The following GRM8 variants were observed in gnomAD, a reference collection of about 807,000 sequenced individuals.
The protein encoded by GRM8 is metabotropic glutamate receptor 8.
A neutral mutation model predicts 87.2 loss-of-function variants in GRM8; 47 were observed. That is an observed-to-expected ratio of 0.54 (90% CI 0.43 to 0.69). The LOEUF is 0.69. GRM8 is among the 30% of genes least tolerant of loss of function. The pLI is 0.00. For missense variants in GRM8, 1,019 were observed against 1,139.2 expected (o/e 0.89, Z 1.52); for synonymous variants, 396 against 404.5 (o/e 0.98, Z 0.25).
chr7:126,617,926 A>G (rs1157112505), intron 7 of GRM8, among the ~76,000 whole-genome samples: 2 of 152,084 alleles, frequency 1.3e-5, no homozygotes, highest in African/African-American at 2.4e-5. Context: ...TGGGAAGAAA[A>G]TATCATGAAA....
chr7:126,859,477 A>C (rs1797972344), intron 6 of GRM8, among the ~76,000 whole-genome samples: 1 of 152,198 alleles, frequency 6.6e-6, no homozygotes, highest in Non-Finnish European at 1.5e-5. Flanking sequence ...GTGTATGTGC[A>C]GTTCACATTT....
At chr7:127,035,506 A>C (rs544898890) in intron 3 of GRM8, among the ~76,000 whole-genome samples, 1 of 152,266 alleles carries the variant, frequency 6.6e-6, no homozygotes, top group East Asian at 1.9e-4. Context: ...CAGCCACAGT[A>C]GTCTCTTCCC....
intron 6 of GRM8, among the ~76,000 whole-genome samples, chr7:126,786,949 A>G (rs1426601739): frequency 6.6e-6 from 1 of 152,172 alleles, no homozygotes; most frequent in Non-Finnish European, 1.5e-5. Context: ...TTCATTTTGC[A>G]AATGTTTTTC....
chr7:126,519,677 C>T (rs1236793055), intron 9 of GRM8, among the ~76,000 whole-genome samples: 4 of 152,074 alleles, frequency 2.6e-5, no homozygotes, highest in African/African-American at 7.2e-5. Flanking sequence ...CCACCCTGAA[C>T]GTGCCTGATC....
chr7:127,135,105 G>T (rs1387260281), intron 2 of GRM8, among the ~76,000 whole-genome samples: 1 of 151,698 alleles, frequency 6.6e-6, no homozygotes, highest in Non-Finnish European at 1.5e-5. Flanking sequence ...TACTAATTTG[G>T]AATTAGAGAA....
chr7:127,237,769 AAGAGAG>A (rs1414987065), intron 2 of GRM8, among the ~76,000 whole-genome samples: 1 of 152,210 alleles, frequency 6.6e-6, no homozygotes, highest in African/African-American at 2.4e-5. Context: ...AGAAAAACAA[AAGAGAG>A]AGGAATTATA....
At chr7:126,798,159 T>C (rs971789) in intron 6 of GRM8, among the ~76,000 whole-genome samples, 11,702 of 128,790 alleles carry the variant, frequency 0.091, 1,442 homozygotes, top group African/African-American at 0.29. Flanking sequence ...ATTAATACCT[T>C]AGAGCATTTT....
chr7:127,162,647 C>T (rs1332527402), intron 2 of GRM8, among the ~76,000 whole-genome samples: 2 of 152,138 alleles, frequency 1.3e-5, no homozygotes, highest in African/African-American at 2.4e-5. Context: ...GATTTTATAA[C>T]CCTTGCTGGC....
chr7:127,214,680 C>T (rs951371144), intron 2 of GRM8, among the ~76,000 whole-genome samples: 29 of 152,170 alleles, frequency 1.9e-4, no homozygotes, highest in Non-Finnish European at 1.2e-4. Flanking sequence ...TATCACAGAA[C>T]AGCATGGGGA....
Position 127,168,382 on chromosome 7 carries a change from C to T in GRM8, c.511-61670G>A, listed in dbSNP as rs560838897. ...ATCCTAGAGAGGATGTGGAGAAATA[C>T]GAATGCTTTTACACTGTTGGTGGGA... On this transcript the variant is annotated intron_variant, in intron 2 of 10. Coordinates refer to ENST00000339582, the MANE Select transcript of GRM8 (RefSeq NM_000845.3). Among the ~76,000 whole-genome samples, 11 of 152,164 alleles carry T rather than the reference C, an allele frequency of 7.2e-5. No homozygotes were observed. In the East Asian group the frequency reaches 7.7e-4, roughly 11 times the overall value.
intron 3 of GRM8, among the ~76,000 whole-genome samples, chr7:127,042,394 G>T (rs1043491307): frequency 3.3e-5 from 5 of 152,234 alleles, no homozygotes; most frequent in Admixed American, 2.6e-4. Flanking sequence ...TCATGGTTTT[G>T]ATTAAGATGA....
At chr7:127,239,271 C>T (rs1021061170) in intron 2 of GRM8, among the ~76,000 whole-genome samples, 9 of 152,138 alleles carry the variant, frequency 5.9e-5, no homozygotes, top group African/African-American at 1.7e-4. Flanking sequence ...TTAAACACAT[C>T]GCAATCACAT....
At chr7:126,711,266 G>A (rs1484990452) in intron 7 of GRM8, among the ~76,000 whole-genome samples, 1 of 152,188 alleles carries the variant, frequency 6.6e-6, no homozygotes, top group Non-Finnish European at 1.5e-5. Context: ...CAGATGTTAT[G>A]TTAGCAGTCA....
chr7:126,756,937 G>A (rs1237995322), intron 7 of GRM8, among the ~76,000 whole-genome samples: 2 of 152,048 alleles, frequency 1.3e-5, no homozygotes, highest in Non-Finnish European at 2.9e-5. Context: ...GAAGGTTCAT[G>A]AAGGTAATAT....
chr7:126,460,473 G>A (rs1268196896), intron 9 of GRM8, among the ~76,000 whole-genome samples: 1 of 151,546 alleles, frequency 6.6e-6, no homozygotes, highest in Non-Finnish European at 1.5e-5. Flanking sequence ...GAAACTGTAG[G>A]TCTCAAATAA....
chr7:126,549,594 T>C (rs1792349572), intron 8 of GRM8, among the ~76,000 whole-genome samples: 1 of 152,166 alleles, frequency 6.6e-6, no homozygotes, highest in Non-Finnish European at 1.5e-5. Context: ...TCTGCCACAA[T>C]ACAAATGCAG....
chr7:126,604,002 A>G (rs923298250), intron 8 of GRM8, among the ~76,000 whole-genome samples: 1 of 152,132 alleles, frequency 6.6e-6, no homozygotes, highest in Non-Finnish European at 1.5e-5. Context: ...CATTAAAAAA[A>G]AACAGTTGTT....
chr7:126,506,879 C>T (rs1183157671), intron 9 of GRM8, among the ~76,000 whole-genome samples: 1 of 152,040 alleles, frequency 6.6e-6, no homozygotes, highest in Admixed American at 6.6e-5. Flanking sequence ...TGAAAGGCAA[C>T]TCTTCCCTTC....
chr7:127,190,170 A>G (rs1210813279), intron 2 of GRM8, among the ~76,000 whole-genome samples: 1 of 152,182 alleles, frequency 6.6e-6, no homozygotes, highest in African/African-American at 2.4e-5. Flanking sequence ...CTATGCAGAC[A>G]TGTTGTCATG....
Sources: gnomAD v4.1 joint callset for allele counts (sites outside exome capture counted in the v4.1 genomes callset) on GRCh38, gnomAD v4.1.1 for gene constraint, MANE v1.5 for transcripts, NCBI Gene and HGNC (gene_info 2026-07-23, HGNC 2026-07-21) for gene names.